The following PRKN variants were observed in gnomAD, a reference collection of about 807,000 sequenced individuals.
PRKN encodes E3 ubiquitin-protein ligase parkin.
PRKN carries 56 observed loss-of-function variants against 59.5 expected under a neutral mutation model. The observed-to-expected ratio is 0.94, with a 90% CI of 0.76 to 1.18. PRKN has a LOEUF of 1.18. Ranked by LOEUF, PRKN falls within the 50% of genes most tolerant of loss-of-function variation. The pLI is 0.00. For synonymous variants in PRKN, 250 were observed against 222.1 expected (o/e 1.13, Z -1.12); for missense variants, 657 against 596.4 (o/e 1.10, Z -1.06).
chr6:162,247,541 G>A (rs1055705321), intron 3 of PRKN, among the ~76,000 whole-genome samples: 6 of 152,050 alleles, frequency 3.9e-5, no homozygotes, highest in African/African-American at 1.4e-4. Flanking sequence ...ATAAATTAAG[G>A]GGGAAAATGA....
At chr6:161,675,809 T>G (rs1482241371) in intron 7 of PRKN, among the ~76,000 whole-genome samples, 2 of 152,346 alleles carry the variant, frequency 1.3e-5, no homozygotes, top group South Asian at 2.1e-4. Flanking sequence ...ATAAAATATT[T>G]TTTACAGTTC....
At chr6:162,077,434 A>G (rs1024192373) in intron 4 of PRKN, among the ~76,000 whole-genome samples, 3 of 152,092 alleles carry the variant, frequency 2.0e-5, no homozygotes, top group African/African-American at 4.8e-5. Context: ...GCAATGCATG[A>G]CTGCACTTCT....
intron 1 of PRKN, among the ~76,000 whole-genome samples, chr6:162,700,739 A>T (rs972434921): frequency 1.3e-5 from 2 of 151,986 alleles, no homozygotes; most frequent in African/African-American, 2.4e-5. Context: ...AACTATCCTC[A>T]ACATCATATG....
intron 4 of PRKN, among the ~76,000 whole-genome samples, chr6:162,125,754 C>T (rs1781099862): frequency 6.6e-6 from 1 of 152,086 alleles, no homozygotes; most frequent in South Asian, 2.1e-4. Context: ...AACAGAGGCA[C>T]AACTCACATT....
At chr6:162,310,195 A>T (rs548343453) in intron 2 of PRKN, among the ~76,000 whole-genome samples, 1 of 152,264 alleles carries the variant, frequency 6.6e-6, no homozygotes, top group South Asian at 2.1e-4. Flanking sequence ...TTTGCCACCA[A>T]CTTAGGATAC....
At chr6:162,190,657 C>T (rs754134220) in intron 4 of PRKN, among the ~76,000 whole-genome samples, 3 of 152,224 alleles carry the variant, frequency 2.0e-5, no homozygotes, top group Non-Finnish European at 4.4e-5. Context: ...ACTCATATCA[C>T]AGTACTGGTC....
At chr6:162,258,779 C>T (rs1177928779) in intron 3 of PRKN, among the ~76,000 whole-genome samples, 4 of 152,180 alleles carry the variant, frequency 2.6e-5, no homozygotes. Context: ...AAAACTACTT[C>T]AATGACTCGT....
intron 2 of PRKN, among the ~76,000 whole-genome samples, chr6:162,328,297 C>A (rs574895314): frequency 6.6e-6 from 1 of 151,912 alleles, no homozygotes; most frequent in Non-Finnish European, 1.5e-5. Context: ...AGACAGGAGA[C>A]AGAGGCTGCA....
At chr6:161,951,434 G>T (rs1779986379) in intron 6 of PRKN, among the ~76,000 whole-genome samples, 1 of 152,200 alleles carries the variant, frequency 6.6e-6, no homozygotes, top group Non-Finnish European at 1.5e-5. Flanking sequence ...TTTGAAAGAA[G>T]AGTCTCCAGC....
intron 2 of PRKN, among the ~76,000 whole-genome samples, chr6:162,416,793 T>A (rs1245877529): frequency 6.6e-6 from 1 of 152,212 alleles, no homozygotes; most frequent in East Asian, 1.9e-4. Context: ...ATTTTTCTAT[T>A]TCTAAAATGA....
intron 7 of PRKN, among the ~76,000 whole-genome samples, chr6:161,750,855 C>T (rs570745081): frequency 6.6e-6 from 1 of 151,132 alleles, no homozygotes; most frequent in Non-Finnish European, 1.5e-5. Flanking sequence ...CATCATAGAG[C>T]AAGCAGATAA....
chr6:161,420,320 A>G (rs923843090), intron 9 of PRKN, among the ~76,000 whole-genome samples: 21 of 152,214 alleles, frequency 1.4e-4, no homozygotes, highest in African/African-American at 5.1e-4. Context: ...TATGCAATAA[A>G]GCATTCTTTT....
chr6:162,312,645 C>T (rs1782567945), intron 2 of PRKN, among the ~76,000 whole-genome samples: 1 of 152,178 alleles, frequency 6.6e-6, no homozygotes, highest in Non-Finnish European at 1.5e-5. Flanking sequence ...AAGCAAGCAT[C>T]TCATGGGCTT....
At chr6:161,750,503 C>A (rs1788643748) in intron 7 of PRKN, among the ~76,000 whole-genome samples, 1 of 152,024 alleles carries the variant, frequency 6.6e-6, no homozygotes, top group African/African-American at 2.4e-5. Flanking sequence ...TGTGGTGGCT[C>A]ATACTTGTAA....
At position 162,370,671 on chromosome 6, in the gene PRKN, C is replaced by A. The variant is rs79024585; in HGVS notation, c.171+72639G>T. Among the ~76,000 whole-genome samples the A allele has an allele frequency of 3.1e-3, 474 of 152,276 alleles. 7 individuals carry two copies. The highest frequency in any genetic ancestry group is 0.024 in the East Asian group (124 of 5,174). On this transcript the variant is annotated intron_variant, in intron 2 of 11. Transcript: ENST00000366898. ...GAAATTCACGTTTACTTATTCCATG[C>A]AATATTTCTCTGTCCAACCTATGTA... is the stretch of plus-strand genomic sequence containing the variant.
chr6:161,747,962 T>C (rs1045067790), intron 7 of PRKN, among the ~76,000 whole-genome samples: 7 of 152,206 alleles, frequency 4.6e-5, no homozygotes, highest in Admixed American at 2.0e-4. Flanking sequence ...AGGTGGATTA[T>C]GTGGATTTAT....
chr6:161,793,920 C>T (rs1014370761), intron 6 of PRKN, among the ~76,000 whole-genome samples: 88 of 152,316 alleles, frequency 5.8e-4, no homozygotes, highest in African/African-American at 2.1e-3. Context: ...AGTAAGTCAA[C>T]ATCCCATCTG....
At chr6:162,578,439 T>C (rs997264488) in intron 1 of PRKN, among the ~76,000 whole-genome samples, 1 of 152,198 alleles carries the variant, frequency 6.6e-6, no homozygotes, top group Non-Finnish European at 1.5e-5. Context: ...AATTATCGTT[T>C]TTAAATGTTT....
chr6:162,232,586 G>C (rs1418606430), intron 3 of PRKN, among the ~76,000 whole-genome samples: 1 of 152,118 alleles, frequency 6.6e-6, no homozygotes, highest in Non-Finnish European at 1.5e-5. Flanking sequence ...TGAAATCATT[G>C]ATTTGCCTCA....
Sources: allele counts gnomAD v4.1 joint callset (sites outside exome capture counted in the v4.1 genomes callset), GRCh38; gene constraint gnomAD v4.1.1; transcripts MANE v1.5; gene names NCBI Gene and HGNC (gene_info 2026-07-23, HGNC 2026-07-21).